Variants in DDI2 observed in about 807,000 individuals in gnomAD.
DDI2 encodes the protein DDI proteasomal shuttling factor 2.
In DDI2, 5 loss-of-function variants were observed where a neutral mutation model predicts 48.1. The ratio of observed to expected loss-of-function variants is 0.10; its 90% confidence interval spans 0.05 to 0.22. The LOEUF (loss-of-function observed/expected upper bound fraction) is 0.22, where lower values mean the gene tolerates loss of function less well. Among genes scored for constraint, DDI2 ranks in the 10% least tolerant of loss-of-function variants. DDI2 has a pLI of 1.00. For missense variants in DDI2, 285 were observed against 506.2 expected (o/e 0.56, Z 4.19); for synonymous variants, 205 against 183.6 (o/e 1.12, Z -0.94).
chr1:15,645,145 G>A (rs1298866995), intron 6 of DDI2, among the ~76,000 whole-genome samples: 2 of 152,196 alleles, frequency 1.3e-5, no homozygotes, highest in African/African-American at 4.8e-5. Flanking sequence ...CCGCCCACGA[G>A]GCCTCCCAGA....
chr1:15,635,453 C>T (rs796426760), intron 4 of DDI2, among the ~76,000 whole-genome samples: 4 of 152,256 alleles, frequency 2.6e-5, no homozygotes, highest in African/African-American at 7.2e-5. Context: ...TCGCCCAGGC[C>T]TGAGTTCAGT....
chr1:15,643,807 C>T (rs547383262), intron 6 of DDI2, among the ~76,000 whole-genome samples, 157 bp downstream of exon 6: 2 of 152,222 alleles, frequency 1.3e-5, no homozygotes, highest in South Asian at 4.1e-4. Flanking sequence ...AGCCTAATTT[C>T]TAGAAGTTTT....
intron 1 of DDI2, among the ~76,000 whole-genome samples, chr1:15,622,855 T>C (rs973751962): frequency 6.6e-6 from 1 of 152,228 alleles, no homozygotes; most frequent in Non-Finnish European, 1.5e-5. Flanking sequence ...TAAGCTTTAG[T>C]TGATCTCATT....
At chr1:15,623,938 C>G (rs1305831685) in intron 1 of DDI2, among the ~76,000 whole-genome samples, 1 of 152,038 alleles carries the variant, frequency 6.6e-6, no homozygotes, top group Non-Finnish European at 1.5e-5. Flanking sequence ...GGGGCAGGTG[C>G]CTGTAGTCCC....
rs375005718 is a variant in DDI2 at position 15,668,995 on chromosome 1, TG to T, written c.*9207del. 339 of 152,286 alleles carry T rather than the reference TG, an allele frequency of 2.2e-3. 1 individual carries two copies. Among genetic ancestry groups the T allele is most frequent in the African/African-American group, 7.8e-3 (325 of 41,552 alleles). The allele number at this position is 152,286 out of a possible 1,614,324, so 9.4% of individuals were successfully genotyped here. The stretch of plus-strand genomic sequence containing the variant: ...AAATAGGAACTTTCTGAAGAAAAAG[TG>T]GTGTGTAAAACATTTGATATTTAAG... On this transcript the variant is annotated 3_prime_UTR_variant, in exon 10 of 10. Transcript: ENST00000480945.
rs969173207 is a variant in DDI2, at chr1:15,664,436, A to T, written c.*4646A>T. 1 of 135,010 alleles carries T rather than the reference A, an allele frequency of 7.4e-6. No individual in the cohort carries two copies. Among genetic ancestry groups the T allele is most frequent in the Admixed American group, 7.1e-5 (1 of 14,114 alleles). The allele number at this position is 135,010 out of a possible 1,614,324, so 8.4% of individuals were successfully genotyped here. On this transcript the variant is annotated 3_prime_UTR_variant, in exon 10 of 10. Transcript: ENST00000480945. ...GCAGAGTGAGACTCTGTCTCACCCA[A>T]AAAAAAAAAAAAAAAGCTATTGACA...
intron 8 of DDI2, among the ~76,000 whole-genome samples, chr1:15,652,571 C>T (rs1269337945): frequency 2.6e-5 from 4 of 151,354 alleles, no homozygotes; most frequent in African/African-American, 7.3e-5. Flanking sequence ...CGCCTGTAAT[C>T]CCAGCACTTT....
chr1:15,649,694 A>G, intron 6 of DDI2, 26 bp from the exon 7 acceptor site: 1 of 1,601,950 alleles, frequency 6.2e-7, no homozygotes, highest in Non-Finnish European at 8.5e-7. Context: ...CGTAACAATA[A>G]CCTTTTCTCT....
Position 15,664,488 on chromosome 1 carries a change from T to G in DDI2, c.*4698T>G, listed in dbSNP as rs17448966. 0.39 allele frequency: 59,530 copies of G among 151,334 alleles called. 14,906 individuals carry two copies. Among genetic ancestry groups the G allele is most frequent in the African/African-American group, 0.71 (29,122 of 40,986 alleles). 9.4% of individuals were successfully genotyped at this position (151,334 alleles called of 1,614,324 possible). A position where few individuals can be genotyped will look rare whatever the true frequency, so the allele number is the denominator to read the frequency against. On this transcript the variant is annotated 3_prime_UTR_variant, in exon 10 of 10. Coordinates refer to ENST00000480945, the MANE Select transcript of DDI2 (RefSeq NM_032341.5). ...TGTTAATATTTTGGATGACTTAAAT[T>G]TAGCAGCTCTAGAATGCAAAGGGTA...
chr1:15,637,554 G>C (rs931786796), intron 4 of DDI2, among the ~76,000 whole-genome samples: 1 of 152,204 alleles, frequency 6.6e-6, no homozygotes, highest in African/African-American at 2.4e-5. Context: ...TATTAGTAGA[G>C]ATGGGGTTTC....
intron 5 of DDI2, among the ~76,000 whole-genome samples, chr1:15,639,460 G>C (rs950241562): frequency 2.6e-5 from 4 of 152,016 alleles, no homozygotes; most frequent in Non-Finnish European, 5.9e-5. Flanking sequence ...CACATGCTGG[G>C]TTTCAGCTCT....
chr1:15,633,976 A>G (rs1290635385), intron 4 of DDI2: 1 of 363,132 alleles, frequency 2.8e-6, no homozygotes, highest in Non-Finnish European at 5.4e-6. Flanking sequence ...GGGCTTAAAC[A>G]TGATTGGATT....
At chr1:15,653,138 GT>G (rs1259970773) in intron 8 of DDI2, among the ~76,000 whole-genome samples, 3 of 151,872 alleles carry the variant, frequency 2.0e-5, no homozygotes, top group Non-Finnish European at 4.4e-5. Context: ...TTTTTAGGAA[GT>G]TTTTTTTGGA....
chr1:15,625,869 G>A (rs1639745906), intron 1 of DDI2, among the ~76,000 whole-genome samples: 1 of 152,172 alleles, frequency 6.6e-6, no homozygotes, highest in Non-Finnish European at 1.5e-5. Flanking sequence ...CACCCGCCTT[G>A]GCCTCCCAAA....
intron 9 of DDI2, among the ~76,000 whole-genome samples, chr1:15,658,654 T>C (rs1295388156): frequency 6.6e-6 from 1 of 151,664 alleles, no homozygotes; most frequent in East Asian, 1.9e-4. Flanking sequence ...CCAGCTACTC[T>C]GAGGCAGGAG....
chr1:15,666,726 G>T lies in DDI2; in HGVS notation c.*6936G>T, dbSNP rs1418997331. 1 of 152,200 alleles carries T rather than the reference G, an allele frequency of 6.6e-6. No individual in the cohort carries two copies. The highest frequency in any genetic ancestry group is 1.5e-5 in the Non-Finnish European group (1 of 68,034). The allele number at this position is 152,200 out of a possible 1,614,324, so 9.4% of individuals were successfully genotyped here. A position where few individuals can be genotyped will look rare whatever the true frequency, so the allele number is the denominator to read the frequency against. On this transcript the variant is annotated 3_prime_UTR_variant, in exon 10 of 10. Coordinates refer to ENST00000480945, the MANE Select transcript of DDI2 (RefSeq NM_032341.5). ...TAAAACAGATTGGAACCCTGCCCTT[G>T]TGAAGCTTTCAGTCTAGAAGGGAGA...
chr1:15,652,447 G>A (rs1437884602), intron 8 of DDI2, among the ~76,000 whole-genome samples: 1 of 29,434 alleles, frequency 3.4e-5, no homozygotes, highest in African/African-American at 2.0e-4. Flanking sequence ...GGGAGGCTCC[G>A]GAGGGGGGGG....
chr1:15,626,695 A>G lies in DDI2; in HGVS notation c.165A>G (p.Thr55=). Residue 55 remains threonine (T), a synonymous_variant, in exon 2 of 10, where the codon ACA becomes ACG. Transcript: ENST00000480945. ...TCGTCTATGCGGAAAGACCTCTCACAGACAACCACAGATCATTGGCTTCTT... is the reference window on the plus strand; with the variant it reads ...TCGTCTATGCGGAAAGACCTCTCACGGACAACCACAGATCATTGGCTTCTT... The part of the protein sequence containing the change: ...SQIVYAERPL[T]DNHRSLASYG... 6.2e-7 allele frequency: 1 copy of G among 1,614,178 alleles called. No homozygotes were observed. The highest frequency in any genetic ancestry group is 1.1e-5 in the South Asian group (1 of 91,084).
At chr1:15,658,185 TG>T (rs1640299636) in intron 9 of DDI2, among the ~76,000 whole-genome samples, 2 of 152,222 alleles carry the variant, frequency 1.3e-5, no homozygotes, top group African/African-American at 4.8e-5. Context: ...AGTTTCACTC[TG>T]TCACCCAGGC....
Sources: gnomAD v4.1 joint callset for allele counts (sites outside exome capture counted in the v4.1 genomes callset) on GRCh38, gnomAD v4.1.1 for gene constraint, MANE v1.5 for transcripts, NCBI Gene and HGNC (gene_info 2026-07-23, HGNC 2026-07-21) for gene names.